GLG1: variants seen among roughly 807,000 people sequenced by gnomAD.
The protein encoded by GLG1 is golgi glycoprotein 1.
A neutral mutation model predicts 160.5 loss-of-function variants in GLG1; 38 were observed. The ratio of observed to expected loss-of-function variants is 0.24; its 90% confidence interval spans 0.18 to 0.31. The LOEUF (loss-of-function observed/expected upper bound fraction) is 0.31. Ranked by LOEUF, GLG1 falls within the 10% of genes least tolerant of loss-of-function variation. The pLI is 1.00. For missense variants in GLG1, 1,373 were observed against 1,505.2 expected (o/e 0.91, Z 1.45); for synonymous variants, 644 against 543.4 (o/e 1.19, Z -2.57).
intron 1 of GLG1, among the ~76,000 whole-genome samples, chr16:74,549,822 C>G (rs1042494896): frequency 1.3e-5 from 2 of 151,710 alleles, no homozygotes; most frequent in African/African-American, 4.8e-5. Context: ...AAATAAACAA[C>G]AGGAAAAGGG....
intron 1 of GLG1, among the ~76,000 whole-genome samples, chr16:74,585,095 G>A (rs1486712552): frequency 3.4e-5 from 5 of 147,042 alleles, no homozygotes; most frequent in Admixed American, 2.1e-4. Context: ...TCTTTAAATC[G>A]CAGATTCAAA....
intron 4 of GLG1, among the ~76,000 whole-genome samples, chr16:74,503,115 G>C (rs972543004): frequency 6.6e-6 from 1 of 151,890 alleles, no homozygotes; most frequent in Non-Finnish European, 1.5e-5. Flanking sequence ...GCTGAGGCAG[G>C]AGAATCACTT....
In GLG1 at chr16:74,606,926, C is replaced by A; in HGVS notation, c.169G>T (p.Gly57Cys). 6.2e-7 allele frequency: 1 copy of A among 1,607,712 alleles called. No homozygotes were observed. ...VSFVGQAGGGGPAGQQLPQLP... is the reference protein window; with the variant it reads ...VSFVGQAGGGCPAGQQLPQLP... ...TGGGGCAGCTGCTGACCCGCCGGGC[C>A]GCCGCCTCCGGCCTGCCCTACGAAG... The change falls in exon 1 of 26, where the codon GGC becomes TGC. Residue 57 changes from glycine to cysteine, a missense_variant. Coordinates refer to ENST00000422840, the MANE Select transcript of GLG1 (RefSeq NM_001145667.2).
intron 3 of GLG1, 27 bp downstream of exon 3, chr16:74,508,812 T>C: frequency 1.1e-6 from 1 of 927,076 alleles, no homozygotes; most frequent in East Asian, 2.4e-5. Flanking sequence ...AGCCATTAGT[T>C]GTCTACAAAA....
chr16:74,513,417 G>T (rs923418273), intron 2 of GLG1, among the ~76,000 whole-genome samples: 4 of 152,016 alleles, frequency 2.6e-5, no homozygotes, highest in Non-Finnish European at 5.9e-5. Context: ...ACAGGCAGGT[G>T]CCCCTCTGGG....
At chr16:74,497,575 C>T (rs1004307529) in intron 4 of GLG1, among the ~76,000 whole-genome samples, 1 of 151,586 alleles carries the variant, frequency 6.6e-6, no homozygotes, top group Admixed American at 6.6e-5. Flanking sequence ...GTAGCTGGGA[C>T]CACAGGCGCC....
chr16:74,546,372 G>A (rs1238382034), intron 1 of GLG1, among the ~76,000 whole-genome samples: 2 of 152,104 alleles, frequency 1.3e-5, no homozygotes, highest in Non-Finnish European at 2.9e-5. Context: ...TTGAGCCCAG[G>A]AGATAGAGAT....
chr16:74,468,056 C>A (rs1218548344), intron 17 of GLG1: 3 of 493,550 alleles, frequency 6.1e-6, no homozygotes, highest in Non-Finnish European at 1.1e-5. Flanking sequence ...AAACACAATG[C>A]CAAGTCTACC....
chr16:74,503,020 G>C (rs373814437), intron 4 of GLG1, among the ~76,000 whole-genome samples: 1 of 151,556 alleles, frequency 6.6e-6, no homozygotes, highest in South Asian at 2.1e-4. Context: ...CAGCCTGGCC[G>C]ACATGGCGAA....
At chr16:74,489,148 T>C in intron 8 of GLG1, among the ~76,000 whole-genome samples, 1 of 152,084 alleles carries the variant, frequency 6.6e-6, no homozygotes, top group East Asian at 1.9e-4. Flanking sequence ...TTTTTCTGTA[T>C]CCCTTACTAC....
chr16:74,484,254 G>T (rs910838057), intron 9 of GLG1, among the ~76,000 whole-genome samples: 1 of 152,142 alleles, frequency 6.6e-6, no homozygotes, highest in South Asian at 2.1e-4. Context: ...TCACTTTGTT[G>T]TTGGGTATGG....
chr16:74,497,558 C>A (rs749636716), intron 4 of GLG1, among the ~76,000 whole-genome samples: 1 of 150,462 alleles, frequency 6.6e-6, no homozygotes, highest in Non-Finnish European at 1.5e-5. Flanking sequence ...CTGCCTCAGT[C>A]TCCTGAGTAG....
chr16:74,583,809 T>C (rs1170012694), intron 1 of GLG1, among the ~76,000 whole-genome samples: 6 of 152,214 alleles, frequency 3.9e-5, no homozygotes, highest in Non-Finnish European at 8.8e-5. Context: ...GCTCTCACCA[T>C]GGCTACGTCC....
chr16:74,521,642 T>C (rs928780129), intron 2 of GLG1, among the ~76,000 whole-genome samples: 3 of 152,098 alleles, frequency 2.0e-5, no homozygotes, highest in African/African-American at 7.2e-5. Flanking sequence ...GTTCTGGAAA[T>C]GACTATTAGA....
At chr16:74,497,286 TAA>T (rs1362696448) in intron 4 of GLG1, among the ~76,000 whole-genome samples, 593 of 32,314 alleles carry the variant, frequency 0.018, 2 homozygotes, top group African/African-American at 0.038. Flanking sequence ...AGAAACTCTG[TAA>T]AAAAAACACA....
intron 1 of GLG1, among the ~76,000 whole-genome samples, chr16:74,580,332 A>T (rs1444925952): frequency 1.3e-5 from 2 of 150,792 alleles, no homozygotes; most frequent in Non-Finnish European, 3.0e-5. Flanking sequence ...AAAAAAAACT[A>T]AAAAAAAACC....
Position 74,452,960 on chromosome 16 carries a change from C to G in GLG1, c.*207G>C. ...CAAACAAAGGCAGTAACCCCAGCGA[C>G]CAGCTGCTGCTGCTGCACGGTGAGG... On this transcript the variant is annotated 3_prime_UTR_variant, in exon 26 of 26. Coordinates refer to ENST00000422840, the MANE Select transcript of GLG1 (RefSeq NM_001145667.2). The G allele has an allele frequency of 7.9e-7, 1 of 1,266,170 alleles. No individual in the cohort carries two copies. The highest frequency in any genetic ancestry group is 9.9e-7 in the Non-Finnish European group (1 of 1,006,338). 78.4% of individuals were successfully genotyped at this position (1,266,170 alleles called of 1,614,324 possible).
rs147126485 is a variant in GLG1, at chr16:74,462,082, C to A, written c.3036+12G>T. The A allele has an allele frequency of 1.6e-4, 240 of 1,482,450 alleles. No homozygotes were observed. In the East Asian group the frequency reaches 3.1e-3, roughly 19 times the overall value. 91.8% of individuals were successfully genotyped at this position (1,482,450 alleles called of 1,614,324 possible). On this transcript the variant is annotated intron_variant, in intron 22 of 25. Transcript: ENST00000422840. ...AGCTCTGTGCGTAACCAGTTTTGCA[C>A]GCAAATCCCACCTCGTCTGAGCAGT...
At chr16:74,465,854 G>T in intron 18 of GLG1, 41 bp from the exon 19 acceptor site, 1 of 1,579,804 alleles carries the variant, frequency 6.3e-7, no homozygotes, top group Non-Finnish European at 8.7e-7. Flanking sequence ...AGATGTCAGA[G>T]ACTGCTCATC....
Sources: gnomAD v4.1 joint callset for allele counts (sites outside exome capture counted in the v4.1 genomes callset) on GRCh38, gnomAD v4.1.1 for gene constraint, MANE v1.5 for transcripts, NCBI Gene and HGNC (gene_info 2026-07-23, HGNC 2026-07-21) for gene names.